The following CALN1 variants were observed in gnomAD, a reference collection of about 807,000 sequenced individuals.
CALN1 encodes calcium-binding protein 8.
A neutral mutation model predicts 30.6 loss-of-function variants in CALN1; 17 were observed. The ratio of observed to expected loss-of-function variants is 0.56; its 90% CI spans 0.38 to 0.83. The LOEUF (loss-of-function observed/expected upper bound fraction) is 0.83, where lower values mean the gene tolerates loss of function less well. Ranked by LOEUF, CALN1 falls within the 40% of genes least tolerant of loss-of-function variation. The pLI, the probability that CALN1 is intolerant of heterozygous loss-of-function variation, is 0.00. For missense variants in CALN1, 291 were observed against 354.9 expected, an observed-to-expected ratio of 0.82 and a Z score of 1.45; for synonymous variants, 156 against 131.4, an observed-to-expected ratio of 1.19 and a Z score of -1.28.
intron 5 of CALN1, among the ~76,000 whole-genome samples, chr7:71,895,591 A>G (rs1001003673): frequency 7.2e-5 from 11 of 152,126 alleles, no homozygotes; most frequent in African/African-American, 2.4e-4. Context: ...ATTCTCTTTT[A>G]TGGGGTCTAA....
At chr7:72,475,796 G>A in the CALN1 span, among the ~76,000 whole-genome samples, 1 of 152,078 alleles carries the variant, frequency 6.6e-6, no homozygotes, top group Non-Finnish European at 1.5e-5. Flanking sequence ...CATGTGTCAT[G>A]GGAGGAACCT....
chr7:72,190,304 T>C (rs749301206), intron 3 of CALN1, among the ~76,000 whole-genome samples: 11 of 152,126 alleles, frequency 7.2e-5, no homozygotes, highest in Non-Finnish European at 1.3e-4. Context: ...CGAGCCGAGA[T>C]TGCACCGCTG....
intron 2 of CALN1, among the ~76,000 whole-genome samples, chr7:72,302,842 G>A (rs2129555736): frequency 7.3e-6 from 1 of 137,156 alleles, no homozygotes; most frequent in Middle Eastern, 4.5e-3. Flanking sequence ...ATGTTGCAGT[G>A]AGCCGAGATC....
chr7:72,484,097 C>T, the CALN1 span, among the ~76,000 whole-genome samples: 2 of 152,156 alleles, frequency 1.3e-5, no homozygotes, highest in African/African-American at 2.4e-5. Flanking sequence ...TCTGCTCATT[C>T]TGACACCATT....
At chr7:72,420,089 A>G (rs1310411596) in intron 1 of CALN1, among the ~76,000 whole-genome samples, 1 of 152,192 alleles carries the variant, frequency 6.6e-6, no homozygotes, top group Non-Finnish European at 1.5e-5. Flanking sequence ...AGCTGTCCAC[A>G]GTCTGCAGGC....
chr7:71,922,719 T>C (rs1795024465), intron 5 of CALN1, among the ~76,000 whole-genome samples: 1 of 137,358 alleles, frequency 7.3e-6, no homozygotes, highest in Non-Finnish European at 1.5e-5. Flanking sequence ...ATTATATAAA[T>C]ATATAACATA....
At chr7:72,132,179 A>G (rs1464725805) in intron 3 of CALN1, among the ~76,000 whole-genome samples, 5 of 152,214 alleles carry the variant, frequency 3.3e-5, no homozygotes, top group Non-Finnish European at 5.9e-5. Flanking sequence ...TGAAAACATC[A>G]CAAGTCCAAA....
chr7:72,313,711 TAA>T (rs1171201876), intron 2 of CALN1, among the ~76,000 whole-genome samples: 2 of 45,710 alleles, frequency 4.4e-5, no homozygotes, highest in Non-Finnish European at 1.3e-4. Flanking sequence ...TTAAAAAATT[TAA>T]TGATGGGACT....
chr7:72,289,671 TAA>T (rs1798339033), intron 2 of CALN1, among the ~76,000 whole-genome samples: 1 of 152,138 alleles, frequency 6.6e-6, no homozygotes, highest in Non-Finnish European at 1.5e-5. Context: ...CACAATAGGC[TAA>T]ATTAACCACA....
the CALN1 span, among the ~76,000 whole-genome samples, chr7:72,467,487 T>C: frequency 6.6e-6 from 1 of 152,078 alleles, no homozygotes; most frequent in East Asian, 1.9e-4. Flanking sequence ...GAGAGAGCCT[T>C]ATAAAACCTC....
chr7:72,170,795 A>G (rs1381505139), intron 3 of CALN1, among the ~76,000 whole-genome samples: 1 of 152,208 alleles, frequency 6.6e-6, no homozygotes, highest in East Asian at 1.9e-4. Context: ...TTTGAGATGA[A>G]TTGAATTAAG....
chr7:72,299,893 T>C (rs1799137926), intron 2 of CALN1, among the ~76,000 whole-genome samples: 1 of 151,944 alleles, frequency 6.6e-6, no homozygotes, highest in South Asian at 2.1e-4. Flanking sequence ...TTTGTTTTGT[T>C]TTTTTGTTTG....
intron 5 of CALN1, among the ~76,000 whole-genome samples, chr7:71,997,765 C>A (rs1425199253): frequency 6.6e-6 from 1 of 152,096 alleles, no homozygotes; most frequent in African/African-American, 2.4e-5. Flanking sequence ...AGAAGTGGCA[C>A]AACATTCTTC....
chr7:71,923,113 A>G (rs1385501662), intron 5 of CALN1, among the ~76,000 whole-genome samples: 2 of 151,270 alleles, frequency 1.3e-5, no homozygotes, highest in East Asian at 3.9e-4. Context: ...TGGGTACTCA[A>G]AATTTATTTT....
At chr7:71,992,552 C>T (rs1562961517) in intron 5 of CALN1, among the ~76,000 whole-genome samples, 1 of 152,094 alleles carries the variant, frequency 6.6e-6, no homozygotes, top group African/African-American at 2.4e-5. Context: ...GAGATGGGGT[C>T]TTCCTATGTT....
the CALN1 span, among the ~76,000 whole-genome samples, chr7:72,504,113 T>C: frequency 6.6e-6 from 1 of 152,160 alleles, no homozygotes; most frequent in Non-Finnish European, 1.5e-5. Context: ...GAGACTCACA[T>C]CACAGTGACC....
At chr7:72,178,504 A>T (rs1216252365) in intron 3 of CALN1, among the ~76,000 whole-genome samples, 4 of 152,138 alleles carry the variant, frequency 2.6e-5, no homozygotes, top group Admixed American at 6.5e-5. Context: ...CAGCCTGACC[A>T]ACATGGTGAA....
chr7:72,185,939 G>A (rs955938925), intron 3 of CALN1, among the ~76,000 whole-genome samples: 1 of 152,076 alleles, frequency 6.6e-6, no homozygotes, highest in Non-Finnish European at 1.5e-5. Flanking sequence ...CCAGTCTCAG[G>A]TGTGTCTTTA....
intron 3 of CALN1, among the ~76,000 whole-genome samples, chr7:72,262,729 G>A (rs557089920): frequency 3.9e-5 from 6 of 152,230 alleles, no homozygotes; most frequent in Non-Finnish European, 8.8e-5. Flanking sequence ...TATGTACTAC[G>A]TTTTCTTTAA....
Sources: allele counts gnomAD v4.1 joint callset (sites outside exome capture counted in the v4.1 genomes callset), GRCh38; gene constraint gnomAD v4.1.1; transcripts MANE v1.5; gene names NCBI Gene and HGNC (gene_info 2026-07-23, HGNC 2026-07-21).